AGAP1: variants seen among roughly 807,000 people sequenced by gnomAD.
The protein encoded by AGAP1 is ArfGAP with GTPase domain, ankyrin repeat and PH domain 1.
In AGAP1, 29 loss-of-function variants were observed where a neutral mutation model predicts 105.3. That is an observed-to-expected ratio of 0.28 (90% CI 0.21 to 0.38). AGAP1 has a LOEUF of 0.38. AGAP1 is among the 10% of genes least tolerant of loss of function. The pLI, the probability that AGAP1 is intolerant of heterozygous loss-of-function variation, is 1.00. For missense variants in AGAP1, 998 were observed against 1,165.1 expected (o/e 0.86, Z 2.09); for synonymous variants, 509 against 485.9 (o/e 1.05, Z -0.63).
chr2:235,929,015 G>A (rs77505586), intron 11 of AGAP1, among the ~76,000 whole-genome samples: 22,330 of 152,132 alleles, frequency 0.15, 1,857 homozygotes, highest in South Asian at 0.27. Context: ...GTTAGGGCAC[G>A]CCCATGCCCT....
chr2:235,819,899 T>C (rs1958689226), intron 9 of AGAP1, among the ~76,000 whole-genome samples: 1 of 141,822 alleles, frequency 7.1e-6, no homozygotes, highest in East Asian at 2.1e-4. Context: ...TTTTCTTCTT[T>C]CTTTCTTTTT....
chr2:235,853,514 A>G (rs2048563555), intron 9 of AGAP1, among the ~76,000 whole-genome samples: 1 of 152,208 alleles, frequency 6.6e-6, no homozygotes, highest in African/African-American at 2.4e-5. Flanking sequence ...GTTTTATAAT[A>G]GATAGATTAA....
rs1451871624 is a variant in AGAP1, at chr2:235,633,439, C to A, written c.164-75740C>A. 6.6e-6 allele frequency among the ~76,000 whole-genome samples: 1 copy of A among 152,118 alleles called. No individual in the cohort carries two copies. The highest frequency in any genetic ancestry group is 1.5e-5 in the Non-Finnish European group (1 of 68,020). On this transcript the variant is annotated intron_variant, in intron 1 of 17. Coordinates refer to ENST00000304032, the MANE Select transcript of AGAP1 (RefSeq NM_001037131.3). This position sits in a 1 kb window ranked among gnomAD's most constrained non-coding sequence, Gnocchi z 4.8. The stretch of plus-strand genomic sequence containing the variant: ...TGAAACCCCATCTCTACTAAAAATA[C>A]AAAAATTAGCCAGGCATGGTGGCGG...
rs563302874 is a variant in AGAP1 at position 235,891,302 on chromosome 2, G to A, written c.1155+7853G>A. The stretch of plus-strand genomic sequence containing the variant: ...ACGCTGGCTGATGCTGCTGCTCTGC[G>A]GTCTACATTTTTGTGTCTTTGAAAA... On this transcript the variant is annotated intron_variant, in intron 10 of 17. Transcript: ENST00000304032. The surrounding 1 kb of genome is among the most constrained non-coding windows in gnomAD (Gnocchi z 4.2). 1.3e-5 allele frequency among the ~76,000 whole-genome samples: 2 copies of A among 152,206 alleles called. No homozygotes were observed. Among genetic ancestry groups the A allele is most frequent in the South Asian group, 2.1e-4 (1 of 4,812 alleles).
At chr2:235,826,983 C>T (rs1003463414) in intron 9 of AGAP1, among the ~76,000 whole-genome samples, 4 of 152,050 alleles carry the variant, frequency 2.6e-5, no homozygotes, top group East Asian at 1.9e-4. Context: ...GGTGGCTCCG[C>T]GTGTTGGAGA....
Position 235,517,196 on chromosome 2 carries a change from CAGG to C in AGAP1, c.163+22352_163+22354del, listed in dbSNP as rs1235701777. 6.6e-6 allele frequency among the ~76,000 whole-genome samples: 1 copy of C among 152,212 alleles called. No homozygotes were observed. The highest frequency in any genetic ancestry group is 1.9e-4 in the East Asian group (1 of 5,194). ...GTGGTCTTCAGTGTTTTTCCGTTCTCAGGAGGACACCAGTCTTGTTGGATGAGG... is the reference window on the plus strand; with the variant it reads ...GTGGTCTTCAGTGTTTTTCCGTTCTCAGGACACCAGTCTTGTTGGATGAGG... On this transcript the variant is annotated intron_variant, in intron 1 of 17. Coordinates refer to ENST00000304032, the MANE Select transcript of AGAP1 (RefSeq NM_001037131.3). The surrounding 1 kb of genome is among the most constrained non-coding windows in gnomAD (Gnocchi z 4.1).
chr2:235,654,473 C>G (rs1157157120), intron 1 of AGAP1, among the ~76,000 whole-genome samples: 2 of 152,190 alleles, frequency 1.3e-5, no homozygotes, highest in African/African-American at 4.8e-5. Flanking sequence ...ATATTCTACG[C>G]CACTGATTGA....
rs1951403867 is a variant in AGAP1 at position 235,721,870 on chromosome 2, A to T, written c.310+4226A>T. Among the ~76,000 whole-genome samples the T allele has an allele frequency of 6.6e-6, 1 of 152,186 alleles. No homozygotes were observed. Among genetic ancestry groups the T allele is most frequent in the South Asian group, 2.1e-4 (1 of 4,832 alleles). On this transcript the variant is annotated intron_variant, in intron 3 of 17. Transcript: ENST00000304032. The surrounding 1 kb of genome is among the most constrained non-coding windows in gnomAD (Gnocchi z 4.5). Reference sequence around the variant, plus strand: ...CAGATCCAGGCCTCCTTTTCAGCAGATACATCAGATGCATTTTAGCTCCAT... The same window carrying T: ...CAGATCCAGGCCTCCTTTTCAGCAGTTACATCAGATGCATTTTAGCTCCAT...
chr2:236,025,597 G>A (rs1020890429), intron 13 of AGAP1, among the ~76,000 whole-genome samples: 4 of 152,084 alleles, frequency 2.6e-5, no homozygotes, highest in Admixed American at 6.6e-5. Flanking sequence ...GTGTAAACAC[G>A]GATTAAACAC....
chr2:235,966,331 AGAGGGGAGCCTGTTCCTCTAAGGATG>A (rs1272739457), intron 12 of AGAP1, among the ~76,000 whole-genome samples: 1 of 151,364 alleles, frequency 6.6e-6, no homozygotes, highest in Non-Finnish European at 1.5e-5. Flanking sequence ...GGGGATGGAG[AGAGGGGAGCCTGTTCCTCTAAGGATG>A]GAGGAGAGGG....
Position 235,704,962 on chromosome 2 carries a change from C to CTTTTTTTTTTT in AGAP1, c.164-4211_164-4210insTTTTTTTTTTT, listed in dbSNP as rs796721149. On this transcript the variant is annotated intron_variant, in intron 1 of 17. Coordinates refer to ENST00000304032, the MANE Select transcript of AGAP1 (RefSeq NM_001037131.3). The stretch of plus-strand genomic sequence containing the variant: ...AACGTCGATTGTAAAATACAAGATG[C>CTTTTTTTTTTT]TTTTTTCTTTTTTTTTTTTTTTTTT... Among the ~76,000 whole-genome samples, 11 of 86,010 alleles carry CTTTTTTTTTTT rather than the reference C, an allele frequency of 1.3e-4. 3 individuals are homozygous for CTTTTTTTTTTT. The highest frequency in any genetic ancestry group is 1.7e-4 in the African/African-American group (4 of 23,758). The allele number at this position is 86,010 out of a possible 152,430, so 56.4% of individuals were successfully genotyped here.
At chr2:236,081,668 G>GTT (rs35088277) in intron 16 of AGAP1, among the ~76,000 whole-genome samples, 2,280 of 135,150 alleles carry the variant, frequency 0.017, 19 homozygotes, top group Middle Eastern at 0.033. Context: ...AGTTCTGTGG[G>GTT]TTTTTTTTTT....
chr2:235,570,249 C>T (rs1220233162), intron 1 of AGAP1, among the ~76,000 whole-genome samples: 1 of 152,128 alleles, frequency 6.6e-6, no homozygotes, highest in East Asian at 1.9e-4. Flanking sequence ...TTGAGCAGTC[C>T]CCGGCTAGCG....
In AGAP1 at chr2:235,582,383, C is replaced by T. The variant is rs944602903; in HGVS notation, c.163+87534C>T. Among the ~76,000 whole-genome samples the T allele has an allele frequency of 2.0e-5, 3 of 152,158 alleles. No individual in the cohort carries two copies. The highest frequency in any genetic ancestry group is 4.4e-5 in the Non-Finnish European group (3 of 68,016). On this transcript the variant is annotated intron_variant, in intron 1 of 17. Coordinates refer to ENST00000304032, the MANE Select transcript of AGAP1 (RefSeq NM_001037131.3). The surrounding 1 kb of genome is among the most constrained non-coding windows in gnomAD (Gnocchi z 4.7). ...TGCTTGTCCTTTGCAGTGTGCTGGA[C>T]AGGAGCCACACAGTGTAGAAGCGAC...
At position 236,053,204 on chromosome 2, in the gene AGAP1, G is replaced by A. The variant is rs919911604; in HGVS notation, c.2114+3923G>A. 1.3e-5 allele frequency among the ~76,000 whole-genome samples: 2 copies of A among 152,214 alleles called. No individual in the cohort carries two copies. Among genetic ancestry groups the A allele is most frequent in the South Asian group, 2.1e-4 (1 of 4,830 alleles). ...CTTGGTGACCCTTTCAAAGGCAAGA[G>A]TAATAAGCTCAGAGGTGAAGATGTT... On this transcript the variant is annotated intron_variant, in intron 16 of 17. Transcript: ENST00000304032. The surrounding 1 kb of genome is among the most constrained non-coding windows in gnomAD (Gnocchi z 4.6).
At chr2:236,115,127 C>T (rs1473938812) in intron 16 of AGAP1, among the ~76,000 whole-genome samples, 2 of 152,224 alleles carry the variant, frequency 1.3e-5, no homozygotes, top group Admixed American at 6.5e-5. Context: ...TACCCGCGGC[C>T]CCGTGCCACC....
chr2:236,101,330 G>A lies in AGAP1; in HGVS notation c.2115-18862G>A, dbSNP rs1016165104. The stretch of plus-strand genomic sequence containing the variant: ...TTAAACAATAATATTACCACAGGCC[G>A]CAGTTCTTAAAGCCACTTGGCAGTT... On this transcript the variant is annotated intron_variant, in intron 16 of 17. Transcript: ENST00000304032. The surrounding 1 kb of genome is among the most constrained non-coding windows in gnomAD (Gnocchi z 4.9). Among the ~76,000 whole-genome samples the A allele has an allele frequency of 2.0e-5, 3 of 152,142 alleles. No individual in the cohort carries two copies. Among genetic ancestry groups the A allele is most frequent in the African/African-American group, 4.8e-5 (2 of 41,436 alleles).
At position 235,964,653 on chromosome 2, in the gene AGAP1, A is replaced by G. The variant is rs978837444; in HGVS notation, c.1484-3809A>G. Among the ~76,000 whole-genome samples, 3 of 152,214 alleles carry G rather than the reference A, an allele frequency of 2.0e-5. No homozygotes were observed. Among genetic ancestry groups the G allele is most frequent in the African/African-American group, 7.2e-5 (3 of 41,450 alleles). On this transcript the variant is annotated intron_variant, in intron 12 of 17. Coordinates refer to ENST00000304032, the MANE Select transcript of AGAP1 (RefSeq NM_001037131.3). The surrounding 1 kb of genome is among the most constrained non-coding windows in gnomAD (Gnocchi z 4.6). ...GAACACTGTTAAATCATAAATAAAA[A>G]TTAATTAGGCTCGCCCTTTTTTTTC...
intron 9 of AGAP1, among the ~76,000 whole-genome samples, chr2:235,871,641 GT>G (rs1157361848): frequency 6.6e-6 from 1 of 152,170 alleles, no homozygotes; most frequent in African/African-American, 2.4e-5. Context: ...TTTCTTACCT[GT>G]TGCTGCATAA....
Sources: allele counts gnomAD v4.1 joint callset (sites outside exome capture counted in the v4.1 genomes callset), GRCh38; gene constraint gnomAD v4.1.1; non-coding constraint Gnocchi (gnomAD v3.1); transcripts MANE v1.5; gene names NCBI Gene and HGNC (gene_info 2026-07-23, HGNC 2026-07-21).